Variants in PRKCE observed in about 807,000 individuals in gnomAD.
The protein encoded by PRKCE is protein kinase C epsilon type.
In PRKCE, 16 loss-of-function variants were observed where a neutral mutation model predicts 85.4. The ratio of observed to expected loss-of-function variants is 0.19; its 90% CI spans 0.13 to 0.28. The LOEUF (loss-of-function observed/expected upper bound fraction) is 0.28, where lower values mean the gene tolerates loss of function less well. Among genes scored for constraint, PRKCE ranks in the 10% least tolerant of loss-of-function variants. PRKCE has a pLI of 1.00. For missense variants in PRKCE, 573 were observed against 975.2 expected (o/e 0.59, Z 5.49); for synonymous variants, 388 against 371.5 (o/e 1.04, Z -0.51).
chr2:45,779,370 G>T (rs187536761), intron 1 of PRKCE, among the ~76,000 whole-genome samples: 2 of 152,276 alleles, frequency 1.3e-5, no homozygotes, highest in African/African-American at 4.8e-5. Flanking sequence ...ATGTTTGGCG[G>T]ATGAAGGCAC....
chr2:45,798,941 G>A (rs925204883), intron 1 of PRKCE, among the ~76,000 whole-genome samples: 14 of 152,040 alleles, frequency 9.2e-5, no homozygotes, highest in African/African-American at 3.4e-4. Flanking sequence ...GCTGAGGTGG[G>A]CAGATCACAA....
chr2:45,905,784 C>T lies in PRKCE; in HGVS notation c.412+62721C>T, dbSNP rs1189017638. On this transcript the variant is annotated intron_variant, in intron 2 of 14. Transcript: ENST00000306156. The surrounding 1 kb of genome is among the most constrained non-coding windows in gnomAD (Gnocchi z 4.4). Reference sequence around the variant, plus strand: ...ATGCTCTTTATAGTCCCTGAACACACGTGTTGACCTGAACTGCTTACTCAA... The same window carrying T: ...ATGCTCTTTATAGTCCCTGAACACATGTGTTGACCTGAACTGCTTACTCAA... Among the ~76,000 whole-genome samples the T allele has an allele frequency of 6.6e-6, 1 of 152,214 alleles. No individual in the cohort carries two copies. The highest frequency in any genetic ancestry group is 1.5e-5 in the Non-Finnish European group (1 of 68,040).
chr2:45,896,330 C>T (rs1696136769), intron 2 of PRKCE, among the ~76,000 whole-genome samples: 1 of 152,094 alleles, frequency 6.6e-6, no homozygotes, highest in Admixed American at 6.5e-5. Flanking sequence ...ACTAGCAGAC[C>T]ATACCTGCTT....
intron 2 of PRKCE, among the ~76,000 whole-genome samples, chr2:45,910,996 T>G (rs537662170): frequency 1.1e-4 from 16 of 152,310 alleles, no homozygotes; most frequent in African/African-American, 3.8e-4. Context: ...GAAGGGATGC[T>G]GATCACAAAG....
intron 2 of PRKCE, among the ~76,000 whole-genome samples, chr2:45,962,903 T>G (rs1701475780): frequency 6.6e-6 from 1 of 151,966 alleles, no homozygotes; most frequent in Non-Finnish European, 1.5e-5. Flanking sequence ...CTCATCCCTC[T>G]CTCCATGTGC....
chr2:46,083,206 C>T (rs1291857339), intron 10 of PRKCE, among the ~76,000 whole-genome samples: 26 of 152,240 alleles, frequency 1.7e-4, no homozygotes, highest in Admixed American at 1.6e-3. Context: ...CTACCTCAGT[C>T]TCCCAAAGTT....
chr2:46,090,003 TA>T (rs1359466809), intron 11 of PRKCE, among the ~76,000 whole-genome samples: 1 of 152,048 alleles, frequency 6.6e-6, no homozygotes. Flanking sequence ...GTCTCTGGTT[TA>T]AAAAAATACA....
intron 2 of PRKCE, among the ~76,000 whole-genome samples, chr2:45,948,634 G>A (rs1365042472): frequency 6.6e-6 from 1 of 152,110 alleles, no homozygotes; most frequent in Non-Finnish European, 1.5e-5. Context: ...GTGAGACCTT[G>A]TCTCTTAAAA....
chr2:45,657,908 T>A (rs959366440), intron 1 of PRKCE, among the ~76,000 whole-genome samples: 7 of 152,234 alleles, frequency 4.6e-5, no homozygotes, highest in African/African-American at 1.7e-4. Flanking sequence ...CTAGCAGTGC[T>A]GATTCTGATG....
intron 2 of PRKCE, among the ~76,000 whole-genome samples, chr2:45,866,500 G>A (rs4449185): frequency 0.41 from 61,918 of 151,698 alleles, 13,914 homozygotes; most frequent in East Asian, 0.85. Context: ...GTAGAGACGG[G>A]GTTTCACCGT....
intron 1 of PRKCE, among the ~76,000 whole-genome samples, chr2:45,761,346 A>T (rs934587736): frequency 9.5e-5 from 14 of 146,640 alleles, no homozygotes; most frequent in African/African-American, 3.5e-4. Context: ...AAAAAAAAAA[A>T]AAAATCTAAG....
intron 11 of PRKCE, among the ~76,000 whole-genome samples, chr2:46,124,977 C>T (rs914745680): frequency 6.6e-6 from 1 of 152,294 alleles, no homozygotes. Flanking sequence ...CAAAGTGGCA[C>T]AAATAAAGAG....
At chr2:45,754,572 A>G (rs1169859566) in intron 1 of PRKCE, among the ~76,000 whole-genome samples, 2 of 152,126 alleles carry the variant, frequency 1.3e-5, no homozygotes, top group Admixed American at 1.3e-4. Context: ...CACCTAGTCC[A>G]CTTAGGTGGC....
chr2:45,980,515 G>C, intron 5 of PRKCE, 134 bp downstream of exon 5: 1 of 826,574 alleles, frequency 1.2e-6, no homozygotes, highest in Non-Finnish European at 1.9e-6. Context: ...AAAAAACAAA[G>C]GGAGCTGTCC....
intron 1 of PRKCE, among the ~76,000 whole-genome samples, chr2:45,690,188 A>G (rs563936512): frequency 4.6e-5 from 7 of 152,362 alleles, no homozygotes; most frequent in South Asian, 4.1e-4. Flanking sequence ...GTTGAACTAG[A>G]ATCTTGGTAA....
rs186073855 is a variant in PRKCE, at chr2:45,856,301, G to T, written c.412+13238G>T. ...GCTGGAGTGCAGTGGCACAGTCTCC[G>T]CTCACTGCAGCCTCTGCCTCTCAGG... is the stretch of plus-strand genomic sequence containing the variant. On this transcript the variant is annotated intron_variant, in intron 2 of 14. Coordinates refer to ENST00000306156, the MANE Select transcript of PRKCE (RefSeq NM_005400.3). 3.2e-4 allele frequency among the ~76,000 whole-genome samples: 49 copies of T among 152,120 alleles called. No individual in the cohort carries two copies. In the East Asian group the frequency reaches 8.3e-3, roughly 26 times the overall value.
intron 1 of PRKCE, among the ~76,000 whole-genome samples, chr2:45,811,508 C>T (rs535077454): frequency 6.6e-6 from 1 of 152,168 alleles, no homozygotes; most frequent in African/African-American, 2.4e-5. Context: ...AGGGGCCAGA[C>T]AAAAGAGGGA....
intron 10 of PRKCE, among the ~76,000 whole-genome samples, chr2:46,043,911 C>A (rs955749694): frequency 6.6e-6 from 1 of 152,122 alleles, no homozygotes. Flanking sequence ...AAGCGGATGC[C>A]GAATTCTGAA....
rs938240699 is a variant in PRKCE at position 46,010,993 on chromosome 2, A to G, written c.1437+476A>G. ...AAATTTCATAGTGAAACACAAATAT[A>G]AGGCAGCATTTTTAATTTACCGCAT... On this transcript the variant is annotated intron_variant, in intron 10 of 14. Coordinates refer to ENST00000306156, the MANE Select transcript of PRKCE (RefSeq NM_005400.3). 1.6e-5 allele frequency: 21 copies of G among 1,343,394 alleles called. 1 individual carries two copies. In the African/African-American group the frequency reaches 2.5e-4, roughly 16 times the overall value. 83.2% of individuals were successfully genotyped at this position (1,343,394 alleles called of 1,614,324 possible).
Sources: allele counts gnomAD v4.1 joint callset (sites outside exome capture counted in the v4.1 genomes callset), GRCh38; gene constraint gnomAD v4.1.1; non-coding constraint Gnocchi (gnomAD v3.1); transcripts MANE v1.5; gene names NCBI Gene and HGNC (gene_info 2026-07-23, HGNC 2026-07-21).